PAK6: variants seen among roughly 807,000 people sequenced by gnomAD.
PAK6 encodes serine/threonine-protein kinase PAK 6.
PAK6 carries 33 observed loss-of-function variants against 60.8 expected under a neutral mutation model. The ratio of observed to expected loss-of-function variants is 0.54; its 90% CI spans 0.41 to 0.73. The LOEUF (loss-of-function observed/expected upper bound fraction) is 0.73. PAK6 is among the 30% of genes least tolerant of loss of function. The pLI is 0.00. For synonymous variants in PAK6, 404 were observed against 378.5 expected, an observed-to-expected ratio of 1.07 and a Z score of -0.78; for missense variants, 845 against 904.1, an observed-to-expected ratio of 0.93 and a Z score of 0.84.
chr15:40,270,338 CA>C (rs1458610243), intron 5 of PAK6, among the ~76,000 whole-genome samples: 2 of 152,180 alleles, frequency 1.3e-5, no homozygotes, highest in Non-Finnish European at 2.9e-5. Flanking sequence ...CAGAGTTTCT[CA>C]AAGTATGTTC....
rs140082431 is a variant in PAK6, at chr15:40,241,431, G to C, written c.-118+750G>C. Among the ~76,000 whole-genome samples the C allele has an allele frequency of 1.9e-3, 288 of 149,674 alleles. 2 individuals are homozygous for C. Among genetic ancestry groups the C allele is most frequent in the African/African-American group, 6.9e-3 (278 of 40,442 alleles). Reference sequence around the variant, plus strand: ...AGGAGCCGTGTGGCCCCCAGGCCTGGTGGGCCTGGGACTCAGCCCCACGGG... The same window carrying C: ...AGGAGCCGTGTGGCCCCCAGGCCTGCTGGGCCTGGGACTCAGCCCCACGGG... On this transcript the variant is annotated intron_variant, in intron 2 of 10. Coordinates refer to ENST00000560346, the Ensembl canonical transcript of PAK6.
intron 3 of PAK6, among the ~76,000 whole-genome samples, chr15:40,255,101 A>G (rs950709326): frequency 5.9e-5 from 9 of 152,172 alleles, no homozygotes; most frequent in Non-Finnish European, 1.0e-4. Flanking sequence ...TAGGGTTCCA[A>G]TGCCAGAGGT....
Position 40,273,477 on chromosome 15 carries a change from G to A in PAK6, c.1617+5G>A, listed in dbSNP as rs767131355. The A allele has an allele frequency of 1.9e-5, 30 of 1,613,544 alleles. No homozygotes were observed. Among genetic ancestry groups the A allele is most frequent in the Non-Finnish European group, 2.5e-5 (30 of 1,179,810 alleles). ...CTGCTGACCCTCGATGGCAGGGTAG[G>A]TCCCATCCTGTCCCTGGCACAGCCA... On this transcript the variant is annotated splice_donor_5th_base_variant and intron_variant, in intron 8 of 10. Transcript: ENST00000560346.
chr15:40,263,146 G>A (rs1382485508), intron 3 of PAK6, among the ~76,000 whole-genome samples: 2 of 152,130 alleles, frequency 1.3e-5, no homozygotes, highest in East Asian at 1.9e-4. Flanking sequence ...CCAGATCTGC[G>A]ACCTCCTTCA....
intron 2 of PAK6, among the ~76,000 whole-genome samples, chr15:40,249,320 G>A (rs1420194788): frequency 1.3e-5 from 2 of 151,738 alleles, no homozygotes; most frequent in Non-Finnish European, 2.9e-5. Flanking sequence ...AATCTTGGGG[G>A]GACACAAACA....
chr15:40,262,446 G>A (rs2039007746), intron 3 of PAK6, among the ~76,000 whole-genome samples: 1 of 152,218 alleles, frequency 6.6e-6, no homozygotes, highest in Non-Finnish European at 1.5e-5. Context: ...GGAGGTTGCA[G>A]TGAGCCCAGA....
At chr15:40,246,547 C>T (rs968803037) in intron 2 of PAK6, 1 of 152,192 alleles carries the variant, frequency 6.6e-6, no homozygotes, top group Non-Finnish European at 1.5e-5. Flanking sequence ...GCATTCAGGG[C>T]TCCTGTCGAG....
exon 9 of PAK6, chr15:40,273,556 G>C: frequency 6.2e-7 from 1 of 1,613,976 alleles, no homozygotes; most frequent in Non-Finnish European, 8.5e-7. Flanking sequence ...CGCAGGTGAA[G>C]CTCTCGGACT....
rs548199485 is a variant in PAK6 at position 40,258,346 on chromosome 15, G to A, written c.-6+5057G>A. On this transcript the variant is annotated intron_variant, in intron 3 of 10. Coordinates refer to ENST00000560346, the Ensembl canonical transcript of PAK6. ...TCAGTCCGGGGTAAGCATGGTGGAC[G>A]GAGCAGGGGCTCTGGAATCAGATCT... is the stretch of plus-strand genomic sequence containing the variant. Among the ~76,000 whole-genome samples, 4 of 152,338 alleles carry A rather than the reference G, an allele frequency of 2.6e-5. No homozygotes were observed. In the East Asian group the frequency reaches 5.8e-4, roughly 22 times the overall value.
intron 5 of PAK6, among the ~76,000 whole-genome samples, chr15:40,269,294 C>T (rs2039235253): frequency 6.6e-6 from 1 of 152,256 alleles, no homozygotes; most frequent in Non-Finnish European, 1.5e-5. Flanking sequence ...GCTGGGATTA[C>T]AGGCACCTGA....
chr15:40,250,696 T>C (rs766576296), intron 2 of PAK6: 13 of 152,244 alleles, frequency 8.5e-5, no homozygotes, highest in Non-Finnish European at 1.9e-4. Flanking sequence ...CATACTTTAT[T>C]GTAGTTCTGT....
chr15:40,241,596 G>A (rs975185462), intron 2 of PAK6, among the ~76,000 whole-genome samples: 1 of 152,212 alleles, frequency 6.6e-6, no homozygotes, highest in East Asian at 1.9e-4. Flanking sequence ...TCAGGGAAGG[G>A]TCGGCACCAG....
chr15:40,248,903 C>T (rs557242628), intron 2 of PAK6, among the ~76,000 whole-genome samples: 12 of 152,196 alleles, frequency 7.9e-5, no homozygotes, highest in African/African-American at 2.7e-4. Context: ...GCTTTGGGGT[C>T]GGATACACTT....
intron 10 of PAK6, among the ~76,000 whole-genome samples, chr15:40,275,288 T>C (rs1292530759): frequency 9.2e-6 from 1 of 109,204 alleles, no homozygotes; most frequent in Non-Finnish European, 1.9e-5. Flanking sequence ...TGGTTTTTTT[T>C]TTTTTTTTTT....
At chr15:40,240,710 C>T (rs150161637) in intron 2 of PAK6, 29 bp downstream of exon 2, 67 of 436,292 alleles carry the variant, frequency 1.5e-4, no homozygotes, top group Middle Eastern at 1.5e-3. Flanking sequence ...CTGCGTGCTC[C>T]GGATTCCTGG....
rs869058525 is a variant in PAK6, at chr15:40,275,280, G to GTTTTTTTTTTTTTTTTTTTTTT, written c.1879-646_1879-625dup. 3.3e-3 allele frequency among the ~76,000 whole-genome samples: 185 copies of GTTTTTTTTTTTTTTTTTTTTTT among 56,498 alleles called. 50 individuals carry two copies. Among genetic ancestry groups the GTTTTTTTTTTTTTTTTTTTTTT allele is most frequent in the Admixed American group, 4.0e-3 (14 of 3,532 alleles). The allele number at this position is 56,498 out of a possible 152,430, so 37.1% of individuals were successfully genotyped here. A position where few individuals can be genotyped will look rare whatever the true frequency, so the allele number is the denominator to read the frequency against. ...GACTTGTTTGTTTCTGTTGTTGTTG[G>GTTTTTTTTTTTTTTTTTTTTTT]TTTTTTTTTTTTTTTTTTTTTTGGA... On this transcript the variant is annotated intron_variant, in intron 10 of 10. Transcript: ENST00000560346.
In PAK6 at chr15:40,266,502, C is replaced by T. The variant is rs761422691; in HGVS notation, c.858+7C>T. ...CCCTCCACCACAGAGCAAGGTAAGT[C>T]AGGAGCCTGGCCTGCAGGTGTCCAC... On this transcript the variant is annotated splice_region_variant and intron_variant, in intron 5 of 10. Transcript: ENST00000560346. The T allele has an allele frequency of 4.7e-5, 74 of 1,588,382 alleles. No individual in the cohort carries two copies. The highest frequency in any genetic ancestry group is 6.0e-5 in the Non-Finnish European group (70 of 1,167,284).
At chr15:40,269,384 C>T (rs550108783) in intron 5 of PAK6, among the ~76,000 whole-genome samples, 6 of 152,330 alleles carry the variant, frequency 3.9e-5, no homozygotes, top group African/African-American at 7.2e-5. Flanking sequence ...TAAGGTATAG[C>T]CCCCTAAGCC....
chr15:40,255,790 C>A (rs1213232213), intron 3 of PAK6, among the ~76,000 whole-genome samples: 1 of 152,152 alleles, frequency 6.6e-6, no homozygotes, highest in African/African-American at 2.4e-5. Flanking sequence ...GGGAGCTTTT[C>A]ATCGCTGAAT....
Sources: gnomAD v4.1 joint callset for allele counts (sites outside exome capture counted in the v4.1 genomes callset) on GRCh38, gnomAD v4.1.1 for gene constraint, MANE v1.5 for transcripts, NCBI Gene and HGNC (gene_info 2026-07-23, HGNC 2026-07-21) for gene names.